The following TMEM132D variants were observed in gnomAD, a reference collection of about 807,000 sequenced individuals.
The protein encoded by TMEM132D is mature OL transmembrane protein.
In TMEM132D, 21 loss-of-function variants were observed where a neutral mutation model predicts 62.3. The ratio of observed to expected loss-of-function variants is 0.34; its 90% CI spans 0.24 to 0.49. The LOEUF is 0.49. TMEM132D is among the 20% of genes least tolerant of loss of function. TMEM132D has a pLI of 0.99. For missense variants in TMEM132D, 1,346 were observed against 1,402.8 expected, an observed-to-expected ratio of 0.96 and a Z score of 0.65; for synonymous variants, 621 against 575.6, an observed-to-expected ratio of 1.08 and a Z score of -1.13.
chr12:129,777,521 A>C (rs982084080), intron 1 of TMEM132D, among the ~76,000 whole-genome samples: 1 of 152,200 alleles, frequency 6.6e-6, no homozygotes, highest in Non-Finnish European at 1.5e-5. Context: ...GCGTCCAAGC[A>C]GCAACTTCAG....
At chr12:129,081,549 C>T (rs770974198) in intron 7 of TMEM132D, among the ~76,000 whole-genome samples, 4 of 152,106 alleles carry the variant, frequency 2.6e-5, no homozygotes, top group South Asian at 2.1e-4. Context: ...CTGCCCGCCT[C>T]GGCCTCCCAA....
At chr12:129,356,654 CAATAAATA>C (rs200753521) in intron 3 of TMEM132D, among the ~76,000 whole-genome samples, 6 of 116,072 alleles carry the variant, frequency 5.2e-5, no homozygotes, top group Admixed American at 4.6e-4. Context: ...CCTGTCTCTA[CAATAAATA>C]AATAAATAAA....
At chr12:129,854,154 G>A (rs923090496) in intron 1 of TMEM132D, among the ~76,000 whole-genome samples, 14 of 152,202 alleles carry the variant, frequency 9.2e-5, no homozygotes, top group African/African-American at 3.1e-4. Flanking sequence ...TTAACGTGGG[G>A]AATAAAGTGG....
At chr12:129,751,303 G>T (rs143480391) in intron 1 of TMEM132D, among the ~76,000 whole-genome samples, 2 of 152,146 alleles carry the variant, frequency 1.3e-5, no homozygotes, top group African/African-American at 4.8e-5. Flanking sequence ...GAGAGCGAGC[G>T]AGTGGGCACA....
intron 2 of TMEM132D, among the ~76,000 whole-genome samples, chr12:129,564,054 C>T (rs1226929131): frequency 1.3e-5 from 2 of 151,970 alleles, no homozygotes; most frequent in African/African-American, 4.8e-5. Flanking sequence ...ATAACTAAGA[C>T]GTTTCAGGGT....
chr12:129,700,788 A>G, intron 1 of TMEM132D, 90 bp from the exon 2 acceptor site: 2 of 1,433,416 alleles, frequency 1.4e-6, no homozygotes, highest in African/African-American at 1.4e-5. Context: ...TTCATAACAG[A>G]GGACCCTGTC....
intron 1 of TMEM132D, among the ~76,000 whole-genome samples, chr12:129,822,914 G>A (rs536340941): frequency 4.2e-4 from 64 of 152,278 alleles, no homozygotes; most frequent in Non-Finnish European, 7.9e-4. Flanking sequence ...TTGGCTCTGC[G>A]TTCCCACTTG....
At chr12:129,538,944 C>T (rs953194541) in intron 2 of TMEM132D, among the ~76,000 whole-genome samples, 4 of 149,802 alleles carry the variant, frequency 2.7e-5, no homozygotes, top group African/African-American at 4.9e-5. Flanking sequence ...TACTAGTGAC[C>T]CCTGGCGATA....
At chr12:129,639,189 C>A (rs1252874641) in intron 2 of TMEM132D, among the ~76,000 whole-genome samples, 5 of 151,612 alleles carry the variant, frequency 3.3e-5, no homozygotes, top group Non-Finnish European at 2.9e-5. Context: ...TTGAGAGCAG[C>A]CTGGCCAACA....
intron 4 of TMEM132D, among the ~76,000 whole-genome samples, chr12:129,315,984 A>C (rs1482097719): frequency 6.6e-6 from 1 of 151,996 alleles, no homozygotes; most frequent in African/African-American, 2.4e-5. Context: ...GTCAGTTGTA[A>C]TATCTCTTGT....
intron 5 of TMEM132D, among the ~76,000 whole-genome samples, chr12:129,147,541 T>C (rs1382983438): frequency 6.6e-6 from 1 of 152,162 alleles, no homozygotes; most frequent in Non-Finnish European, 1.5e-5. Context: ...CAGTTTCCAA[T>C]GCTGTCAACT....
At chr12:129,893,143 G>C (rs1160764054) in intron 1 of TMEM132D, among the ~76,000 whole-genome samples, 2 of 152,096 alleles carry the variant, frequency 1.3e-5, no homozygotes, top group African/African-American at 4.8e-5. Context: ...CCAAAGTGCT[G>C]GGATTACAGG....
Position 129,610,334 on chromosome 12 carries a change from T to A in TMEM132D, c.969-79129A>T, listed in dbSNP as rs536567252. Among the ~76,000 whole-genome samples, 45 of 151,870 alleles carry A rather than the reference T, an allele frequency of 3.0e-4. No individual in the cohort carries two copies. In the South Asian group the frequency reaches 9.4e-3, roughly 32 times the overall value. On this transcript the variant is annotated intron_variant, in intron 2 of 8. Coordinates refer to ENST00000422113, the MANE Select transcript of TMEM132D (RefSeq NM_133448.3). ...GAGGGAAAAGCAGTACATTATTGAA[T>A]TGATTGAATTGACACGTGCATTATA... is the stretch of plus-strand genomic sequence containing the variant.
intron 5 of TMEM132D, among the ~76,000 whole-genome samples, chr12:129,087,920 C>A (rs75519360): frequency 0.2 from 4,589 of 22,738 alleles, 437 homozygotes; most frequent in African/African-American, 0.45. Flanking sequence ...GGTGTCCTCC[C>A]TGACCGGGTG....
At chr12:129,088,470 G>A (rs868615982) in intron 5 of TMEM132D, among the ~76,000 whole-genome samples, 8 of 40,936 alleles carry the variant, frequency 2.0e-4, no homozygotes, top group African/African-American at 1.4e-3. Context: ...CATGACCGGG[G>A]TGTCCTCCAT....
rs142161093 is a variant in TMEM132D at position 129,563,497 on chromosome 12, G to A, written c.969-32292C>T. On this transcript the variant is annotated intron_variant, in intron 2 of 8. Coordinates refer to ENST00000422113, the MANE Select transcript of TMEM132D (RefSeq NM_133448.3). ...AGTGGGAAGACATGCTTAGACACAC[G>A]GAGTTGGCAATGTAATCAGGCACTG... is the stretch of plus-strand genomic sequence containing the variant. 6.0e-3 allele frequency among the ~76,000 whole-genome samples: 917 copies of A among 152,224 alleles called. 10 individuals carry two copies. The highest frequency in any genetic ancestry group is 0.021 in the African/African-American group (872 of 41,526).
chr12:129,389,937 A>T (rs1871249402), intron 3 of TMEM132D, among the ~76,000 whole-genome samples: 1 of 152,212 alleles, frequency 6.6e-6, no homozygotes, highest in Admixed American at 6.5e-5. Context: ...TTGCTCTTCT[A>T]CCACGGGCAG....
intron 4 of TMEM132D, among the ~76,000 whole-genome samples, chr12:129,241,486 G>A (rs10847808): frequency 0.42 from 64,020 of 151,806 alleles, 14,154 homozygotes; most frequent in Middle Eastern, 0.49. Flanking sequence ...CCTCTCCTAC[G>A]GCAGATTCTT....
chr12:129,444,282 C>G (rs771063302), intron 3 of TMEM132D, among the ~76,000 whole-genome samples: 1 of 152,104 alleles, frequency 6.6e-6, no homozygotes, highest in Non-Finnish European at 1.5e-5. Flanking sequence ...ACTAATAGAT[C>G]TTCTGCACAA....
Sources: gnomAD v4.1 joint callset for allele counts (sites outside exome capture counted in the v4.1 genomes callset) on GRCh38, gnomAD v4.1.1 for gene constraint, MANE v1.5 for transcripts, NCBI Gene and HGNC (gene_info 2026-07-23, HGNC 2026-07-21) for gene names.